Variants in BTF3 observed in about 807,000 individuals in gnomAD.
BTF3 encodes transcription factor BTF3.
Under a neutral mutation model 23.9 loss-of-function variants are expected in BTF3, and 12 were observed. The observed-to-expected ratio is 0.50, with a 90% confidence interval of 0.32 to 0.81. The LOEUF is 0.81. Among genes scored for constraint, BTF3 ranks in the 40% least tolerant of loss-of-function variants. The pLI, the probability that BTF3 is intolerant of heterozygous loss-of-function variation, is 0.03. For missense variants in BTF3, 215 were observed against 255.9 expected, an observed-to-expected ratio of 0.84 and a Z score of 1.09; for synonymous variants, 96 against 94.8, an observed-to-expected ratio of 1.01 and a Z score of -0.07.
chr5:73,502,562 A>C lies in BTF3; in HGVS notation c.276A>C (p.Leu92Phe), dbSNP rs1236701690. The change falls in exon 3 of 6, where the codon TTA (leucine) becomes TTC (phenylalanine). Residue 92 changes from leucine (L) to phenylalanine (F), a missense_variant. Leu to Phe is a conservative substitution (Grantham distance 22). Coordinates refer to ENST00000380591, the MANE Select transcript of BTF3 (RefSeq NM_001037637.2). ...TADDKKLQFS[L>F]KKLGVNNISG... ...ATGACAAAAAACTTCAGTTCTCCTT[A>C]AAGAAGTTAGGGGTAAACAATATCT... 4 of 1,609,554 alleles carry C rather than the reference A, an allele frequency of 2.5e-6. No individual in the cohort carries two copies. Among genetic ancestry groups the C allele is most frequent in the Non-Finnish European group, 3.4e-6 (4 of 1,179,032 alleles).
At chr5:73,498,862 CA>C in intron 1 of BTF3, 63 bp downstream of exon 1, 1 of 1,490,902 alleles carries the variant, frequency 6.7e-7, no homozygotes, top group Non-Finnish European at 8.8e-7. Flanking sequence ...GAGGCCAGGC[CA>C]GGGCCAGGGG....
Position 73,505,661 on chromosome 5 carries a change from T to C in BTF3, c.*423T>C, listed in dbSNP as rs1273318762. 1 of 155,048 alleles carries C rather than the reference T, an allele frequency of 6.4e-6. No homozygotes were observed. Among genetic ancestry groups the C allele is most frequent in the African/African-American group, 2.4e-5 (1 of 41,488 alleles). 9.6% of individuals were successfully genotyped at this position (155,048 alleles called of 1,614,324 possible). On this transcript the variant is annotated 3_prime_UTR_variant, in exon 6 of 6. Transcript: ENST00000380591. ...CAAAGGTGGTATAAAGTTCTCAGGT[T>C]TGAAAACTTTGCTCTCCAACAGTCC...
At chr5:73,503,237 C>T (rs1256781801) in intron 4 of BTF3, 120 bp downstream of exon 4, 2 of 1,043,692 alleles carry the variant, frequency 1.9e-6, no homozygotes, top group African/African-American at 3.2e-5. Flanking sequence ...TTAAAAATAA[C>T]AGATTTGTAA....
Position 73,498,739 on chromosome 5 carries a change from G to A in BTF3, c.72G>A (p.Gly24=). 1.3e-6 allele frequency: 2 copies of A among 1,491,948 alleles called. No individual in the cohort carries two copies. Among genetic ancestry groups the A allele is most frequent in the South Asian group, 1.3e-5 (1 of 79,056 alleles). 92.4% of individuals were successfully genotyped at this position (1,491,948 alleles called of 1,614,324 possible). The change falls in exon 1 of 6, where the codon GGG becomes GGA. Residue 24 remains glycine (G), a synonymous_variant. Transcript: ENST00000380591. ...GRGRARGGCP[G]GEATLSQPPP... ...GTCGAGCCAGGGGCGGCTGCCCTGGGGGCGAGGCGACGCTGTCTCAACCTC... is the reference window on the plus strand; with the variant it reads ...GTCGAGCCAGGGGCGGCTGCCCTGGAGGCGAGGCGACGCTGTCTCAACCTC...
intron 4 of BTF3, among the ~76,000 whole-genome samples, chr5:73,503,747 T>C (rs1424125063): frequency 6.6e-6 from 1 of 152,226 alleles, no homozygotes; most frequent in African/African-American, 2.4e-5. Flanking sequence ...TATTATCACA[T>C]TGAGTTGCAG....
At chr5:73,501,200 G>A (rs757218348) in intron 2 of BTF3, among the ~76,000 whole-genome samples, 16 of 152,234 alleles carry the variant, frequency 1.1e-4, no homozygotes, top group Non-Finnish European at 1.9e-4. Flanking sequence ...CAGAATTTAG[G>A]AAAGGCAAAC....
Position 73,498,596 on chromosome 5 carries a change from C to T in BTF3, c.-72C>T, listed in dbSNP as rs1328355301. 18 of 1,415,594 alleles carry T rather than the reference C, an allele frequency of 1.3e-5. No individual in the cohort carries two copies. Among genetic ancestry groups the T allele is most frequent in the Non-Finnish European group, 1.6e-5 (18 of 1,093,378 alleles). The allele number at this position is 1,415,594 out of a possible 1,614,324, so 87.7% of individuals were successfully genotyped here. A position where few individuals can be genotyped will look rare whatever the true frequency, so the allele number is the denominator to read the frequency against. ...TCTGGACGGCGGCGTGGTAGGAGGA[C>T]GGGAGCGGGGGCGGGAAGTTCCCTG... is the stretch of plus-strand genomic sequence containing the variant. On this transcript the variant is annotated 5_prime_UTR_variant, in exon 1 of 6. The change creates a new upstream start codon in the 5' untranslated region. Coordinates refer to ENST00000380591, the MANE Select transcript of BTF3 (RefSeq NM_001037637.2).
At chr5:73,505,071 C>G in intron 5 of BTF3, 121 bp from the exon 6 acceptor site, 1 of 687,486 alleles carries the variant, frequency 1.5e-6, no homozygotes, top group Non-Finnish European at 2.3e-6. Flanking sequence ...GTTCTTGGGG[C>G]TATGACACAG....
At chr5:73,502,806 C>T (rs1386908777) in intron 3 of BTF3, 110 bp from the exon 4 acceptor site, 6 of 1,152,042 alleles carry the variant, frequency 5.2e-6, no homozygotes, top group Non-Finnish European at 6.1e-6. Context: ...GGCAAAATTT[C>T]ACCTGTGCTT....
intron 5 of BTF3, chr5:73,504,827 T>G (rs141566417): frequency 7.3e-5 from 16 of 218,886 alleles, no homozygotes; most frequent in East Asian, 2.6e-4. Flanking sequence ...GAGACATTTT[T>G]GTCTCTTACC....
At chr5:73,504,506 T>G in intron 5 of BTF3, 103 bp downstream of exon 5, 1 of 809,178 alleles carries the variant, frequency 1.2e-6, no homozygotes, top group Non-Finnish European at 2.0e-6. Flanking sequence ...TAAGTTAAGA[T>G]GGACATAGAT....
chr5:73,498,734 C>A lies in BTF3; in HGVS notation c.67C>A (p.Pro23Thr), dbSNP rs757317946. The change falls in exon 1 of 6, where the codon CCT becomes ACT. Residue 23 changes from proline to threonine, a missense_variant. Coordinates refer to ENST00000380591, the MANE Select transcript of BTF3 (RefSeq NM_001037637.2). ...GCGAGGTCGAGCCAGGGGCGGCTGC[C>A]CTGGGGGCGAGGCGACGCTGTCTCA... ...RGRGRARGGCPGGEATLSQPP... is the reference protein window; with the variant it reads ...RGRGRARGGCTGGEATLSQPP... 28 of 1,490,056 alleles carry A rather than the reference C, an allele frequency of 1.9e-5. No individual in the cohort carries two copies. The African/African-American group carries it at 4.1e-4, about 22-fold the overall frequency. 92.3% of individuals were successfully genotyped at this position (1,490,056 alleles called of 1,614,324 possible). A position where few individuals can be genotyped will look rare whatever the true frequency, so the allele number is the denominator to read the frequency against.
intron 4 of BTF3, 80 bp from the exon 5 acceptor site, chr5:73,504,267 C>CTTGTTTTTTT: frequency 8.1e-6 from 1 of 122,774 alleles, no homozygotes; most frequent in South Asian, 1.1e-4. Context: ...TTCATCTGTT[C>CTTGTTTTTTT]TTTTTTTTTT....
At chr5:73,499,886 T>G (rs1265477186) in intron 2 of BTF3, among the ~76,000 whole-genome samples, 1 of 151,694 alleles carries the variant, frequency 6.6e-6, no homozygotes, top group African/African-American at 2.4e-5. Context: ...TAATAAGAAG[T>G]CCACTGTAGA....
chr5:73,504,487 G>A (rs1222178306), intron 5 of BTF3, 84 bp downstream of exon 5: 1 of 1,092,270 alleles, frequency 9.2e-7, no homozygotes, highest in Non-Finnish European at 1.4e-6. Context: ...ACCCAGGGAA[G>A]AGGGGTGGTA....
intron 2 of BTF3, among the ~76,000 whole-genome samples, chr5:73,501,522 A>G (rs1405106716): frequency 1.3e-5 from 2 of 152,198 alleles, no homozygotes; most frequent in Non-Finnish European, 2.9e-5. Flanking sequence ...GTTGAGAAAG[A>G]CCACTTTGAT....
At position 73,498,649 on chromosome 5, in the gene BTF3, AG is replaced by A; in HGVS notation, c.-18del. On this transcript the variant is annotated 5_prime_UTR_variant, in exon 1 of 6. Transcript: ENST00000380591. ...GGAGCGAGACAGGGAGGGACAGGGC[AG>A]AGGAGGAGAGGAAGGCGATGCGACG... 1 of 1,499,032 alleles carries A rather than the reference AG, an allele frequency of 6.7e-7. No homozygotes were observed. Among genetic ancestry groups the A allele is most frequent in the Non-Finnish European group, 8.8e-7 (1 of 1,133,816 alleles). The allele number at this position is 1,499,032 out of a possible 1,614,324, so 92.9% of individuals were successfully genotyped here.
chr5:73,500,035 C>T lies in BTF3; in HGVS notation c.201+833C>T, dbSNP rs12332313. 9.5e-3 allele frequency among the ~76,000 whole-genome samples: 1,449 copies of T among 152,270 alleles called. 11 individuals carry two copies. The highest frequency in any genetic ancestry group is 0.014 in the Non-Finnish European group (929 of 68,032). On this transcript the variant is annotated intron_variant, in intron 2 of 5. Transcript: ENST00000380591. ...ACATGTTTATTACCTTTTAGTTTTTCCCAACTTTAAGCGTTTAACTTAGAG... is the reference window on the plus strand; with the variant it reads ...ACATGTTTATTACCTTTTAGTTTTTTCCAACTTTAAGCGTTTAACTTAGAG...
intron 1 of BTF3, 65 bp downstream of exon 1, chr5:73,498,864 G>GGCCCT: frequency 6.7e-7 from 1 of 1,491,518 alleles, no homozygotes; most frequent in Non-Finnish European, 8.8e-7. Context: ...GGCCAGGCCA[G>GGCCCT]GGCCAGGGGT....
Sources: gnomAD v4.1 joint callset for allele counts (sites outside exome capture counted in the v4.1 genomes callset) on GRCh38, gnomAD v4.1.1 for gene constraint, MANE v1.5 for transcripts, NCBI Gene and HGNC (gene_info 2026-07-23, HGNC 2026-07-21) for gene names.